GLRA1: variants seen among roughly 807,000 people sequenced by gnomAD.
GLRA1 encodes the protein glycine receptor subunit alpha-1.
A neutral mutation model predicts 48.3 loss-of-function variants in GLRA1; 37 were observed. The observed-to-expected ratio is 0.77, with a 90% CI of 0.59 to 1.01. The LOEUF is 1.01. GLRA1 is among the 50% of genes least tolerant of loss of function. The pLI, the probability that GLRA1 is intolerant of heterozygous loss-of-function variation, is 0.00. For synonymous variants in GLRA1, 196 were observed against 210.7 expected, an observed-to-expected ratio of 0.93 and a Z score of 0.60; for missense variants, 427 against 571.0, an observed-to-expected ratio of 0.75 and a Z score of 2.57.
In GLRA1 at chr5:151,826,624, A is replaced by T. The variant is rs190303072; in HGVS notation, c.1059+2297T>A. Among the ~76,000 whole-genome samples, 18 of 152,302 alleles carry T rather than the reference A, an allele frequency of 1.2e-4. No homozygotes were observed. The East Asian group carries it at 3.1e-3, about 26-fold the overall frequency. ...ATAGGGTGATTGCTGAGGTATCTTCAAAGGAGGGAACAGAGCAGGAGAATC... is the reference window on the plus strand; with the variant it reads ...ATAGGGTGATTGCTGAGGTATCTTCTAAGGAGGGAACAGAGCAGGAGAATC... On this transcript the variant is annotated intron_variant, in intron 8 of 8. Coordinates refer to ENST00000274576, the MANE Select transcript of GLRA1 (RefSeq NM_000171.4).
At chr5:151,875,179 T>TA (rs11426952) in intron 3 of GLRA1, among the ~76,000 whole-genome samples, 6,187 of 147,152 alleles carry the variant, frequency 0.042, 445 homozygotes, top group African/African-American at 0.14. Context: ...ATAAAGGGCT[T>TA]AAAAAAAAAA....
At chr5:151,862,596 T>C (rs1464774545) in intron 3 of GLRA1, among the ~76,000 whole-genome samples, 5 of 152,182 alleles carry the variant, frequency 3.3e-5, no homozygotes, top group Non-Finnish European at 7.3e-5. Context: ...GTGTAGTTAT[T>C]CCACTGAAAG....
At position 151,892,309 on chromosome 5, in the gene GLRA1, A is replaced by G. The variant is rs1754097992; in HGVS notation, c.184+2T>C. The G allele has an allele frequency of 6.2e-7, 1 of 1,613,528 alleles. No individual in the cohort carries two copies. The highest frequency in any genetic ancestry group is 1.3e-5 in the African/African-American group (1 of 74,870). Reference sequence around the variant, plus strand: ...TGGGTCTGGAAGGAATATTTTCTCTACCTTTAAAATTGGGCCTGATCCTGG... The same window carrying G: ...TGGGTCTGGAAGGAATATTTTCTCTGCCTTTAAAATTGGGCCTGATCCTGG... On this transcript the variant is annotated splice_donor_variant, in intron 2 of 8. Coordinates refer to ENST00000274576, the MANE Select transcript of GLRA1 (RefSeq NM_000171.4). LOFTEE classifies it high-confidence loss of function.
chr5:151,872,109 G>T (rs533849254), intron 3 of GLRA1, among the ~76,000 whole-genome samples: 1 of 149,738 alleles, frequency 6.7e-6, no homozygotes, highest in South Asian at 2.1e-4. Flanking sequence ...TTATGAAAAA[G>T]ATAGCATTTC....
Position 151,924,719 on chromosome 5 carries a change from C to G in GLRA1, c.-170G>C, listed in dbSNP as rs1019955206. The G allele has an allele frequency of 2.9e-6, 2 of 682,572 alleles. No individual in the cohort carries two copies. Among genetic ancestry groups the G allele is most frequent in the East Asian group, 2.7e-5 (1 of 36,964 alleles). The allele number at this position is 682,572 out of a possible 1,614,324, so 42.3% of individuals were successfully genotyped here. On this transcript the variant is annotated 5_prime_UTR_variant, in exon 1 of 9. Coordinates refer to ENST00000274576, the MANE Select transcript of GLRA1 (RefSeq NM_000171.4). ...CCAGGGGAAATTGGAGCGAGGGGGT[C>G]GTAGATACCACGGACAGCGGCGGCT...
At chr5:151,859,544 A>T (rs1753139415) in intron 4 of GLRA1, among the ~76,000 whole-genome samples, 1 of 152,168 alleles carries the variant, frequency 6.6e-6, no homozygotes. Flanking sequence ...TTTCTCTAGG[A>T]TGGCTTTCTT....
chr5:151,912,171 C>T (rs936591248), intron 1 of GLRA1, among the ~76,000 whole-genome samples: 2 of 150,876 alleles, frequency 1.3e-5, no homozygotes, highest in Non-Finnish European at 2.9e-5. Flanking sequence ...GTAGGCATAG[C>T]TTTTTACAGT....
rs1421080968 is a variant in GLRA1, at chr5:151,892,558, G to T, written c.57-120C>A. 10 of 1,008,438 alleles carry T rather than the reference G, an allele frequency of 9.9e-6. No individual in the cohort carries two copies. In the East Asian group the frequency reaches 2.6e-4, roughly 26 times the overall value. 62.5% of individuals were successfully genotyped at this position (1,008,438 alleles called of 1,614,324 possible). A position where few individuals can be genotyped will look rare whatever the true frequency, so the allele number is the denominator to read the frequency against. On this transcript the variant is annotated intron_variant, in intron 1 of 8. Transcript: ENST00000274576. ...GAGTGTTCTTAGCTGGAGTAATATG[G>T]GTAATATGGGTCCTTAATGAGGTAA...
chr5:151,823,520 T>C (rs899425944), intron 8 of GLRA1, among the ~76,000 whole-genome samples: 3 of 152,174 alleles, frequency 2.0e-5, no homozygotes, highest in African/African-American at 7.2e-5. Flanking sequence ...GTAAGGGGGA[T>C]GGCTATGGGC....
intron 2 of GLRA1, among the ~76,000 whole-genome samples, chr5:151,891,250 C>G (rs1420432660): frequency 2.0e-5 from 3 of 152,158 alleles, no homozygotes; most frequent in Non-Finnish European, 2.9e-5. Context: ...CTCTGCTCGG[C>G]AGTTTGAGAT....
intron 1 of GLRA1, among the ~76,000 whole-genome samples, chr5:151,915,780 G>A (rs1352046840): frequency 6.6e-6 from 1 of 151,594 alleles, no homozygotes; most frequent in South Asian, 2.1e-4. Context: ...AAGGGACCTA[G>A]AGGTCATTAT....
chr5:151,860,136 A>G lies in GLRA1; in HGVS notation c.253-128T>C, dbSNP rs1328782102. The G allele has an allele frequency of 1.5e-5, 11 of 722,124 alleles. No homozygotes were observed. In the African/African-American group the frequency reaches 1.7e-4, roughly 11 times the overall value. The allele number at this position is 722,124 out of a possible 1,614,324, so 44.7% of individuals were successfully genotyped here. ...GTTATTAAGTGTGGTTGCATCTTAT[A>G]TGGGGGTGAGACATAAAAGGTGTGT... On this transcript the variant is annotated intron_variant, in intron 3 of 8. Coordinates refer to ENST00000274576, the MANE Select transcript of GLRA1 (RefSeq NM_000171.4).
At chr5:151,864,778 T>C (rs1006216999) in intron 3 of GLRA1, among the ~76,000 whole-genome samples, 3 of 152,144 alleles carry the variant, frequency 2.0e-5, no homozygotes, top group Non-Finnish European at 2.9e-5. Flanking sequence ...GGGAGCAATC[T>C]TAGTGGATGA....
At chr5:151,835,027 CAAAAAAAAAA>C (rs60718344) in intron 7 of GLRA1, among the ~76,000 whole-genome samples, 2 of 52,530 alleles carry the variant, frequency 3.8e-5, no homozygotes, top group East Asian at 1.2e-3. Context: ...GACAACATCT[CAAAAAAAAAA>C]AAAAAAAAAA....
chr5:151,865,452 G>A (rs538034511), intron 3 of GLRA1, among the ~76,000 whole-genome samples: 1 of 152,136 alleles, frequency 6.6e-6, no homozygotes, highest in Non-Finnish European at 1.5e-5. Context: ...TGGCACTTTG[G>A]AAAGAATAGC....
chr5:151,907,792 T>C (rs1452255300), intron 1 of GLRA1, among the ~76,000 whole-genome samples: 1 of 152,232 alleles, frequency 6.6e-6, no homozygotes, highest in Non-Finnish European at 1.5e-5. Flanking sequence ...AGGGAAGGGA[T>C]GCTCAGAGGC....
chr5:151,854,520 C>T (rs1324936692), intron 6 of GLRA1, among the ~76,000 whole-genome samples: 1 of 152,200 alleles, frequency 6.6e-6, no homozygotes, highest in African/African-American at 2.4e-5. Context: ...CCCCAGTCAT[C>T]CAGATATTCA....
intron 2 of GLRA1, among the ~76,000 whole-genome samples, chr5:151,889,392 G>A (rs1753999743): frequency 6.6e-6 from 1 of 152,206 alleles, no homozygotes; most frequent in African/African-American, 2.4e-5. Flanking sequence ...GCCTAGTCCT[G>A]CTGGATCATT....
chr5:151,827,912 T>G (rs12654573), intron 8 of GLRA1, among the ~76,000 whole-genome samples: 35,326 of 152,058 alleles, frequency 0.23, 4,224 homozygotes, highest in South Asian at 0.32. Flanking sequence ...CAACCTAATC[T>G]TTTGTTTATC....
Sources: allele counts gnomAD v4.1 joint callset (sites outside exome capture counted in the v4.1 genomes callset), GRCh38; gene constraint gnomAD v4.1.1; transcripts MANE v1.5; gene names NCBI Gene and HGNC (gene_info 2026-07-23, HGNC 2026-07-21).